Variants in HOGA1 observed in about 807,000 individuals in gnomAD.
The protein encoded by HOGA1 is 4-hydroxy-2-oxoglutarate aldolase 1.
In HOGA1, 30 loss-of-function variants were observed where a neutral mutation model predicts 34.3. The observed-to-expected ratio is 0.87, with a 90% CI of 0.65 to 1.19. HOGA1 has a LOEUF of 1.19. Among genes scored for constraint, HOGA1 ranks in the 50% most tolerant of loss-of-function variants. The probability of loss-of-function intolerance (pLI) is 0.00; values close to 1 mark genes in which losing one functional copy is unlikely to be tolerated. For missense variants in HOGA1, 417 were observed against 436.5 expected (o/e 0.96, Z 0.40); for synonymous variants, 161 against 174.0 (o/e 0.93, Z 0.59).
chr10:97,596,766 C>T (rs1390747567), intron 1 of HOGA1, among the ~76,000 whole-genome samples: 3 of 150,140 alleles, frequency 2.0e-5, no homozygotes, highest in Admixed American at 2.0e-4. Flanking sequence ...GATATCCTGG[C>T]AACTCACTCT....
At chr10:97,589,689 C>G (rs749390986) in intron 1 of HOGA1, 17 of 570,534 alleles carry the variant, frequency 3.0e-5, no homozygotes, top group Non-Finnish European at 4.4e-5. Context: ...TGGGGGGCAC[C>G]TAGGGAGGGT....
intron 6 of HOGA1, chr10:97,602,675 CTCTT>C (rs112065979): frequency 1.3e-5 from 10 of 778,012 alleles, no homozygotes; most frequent in South Asian, 1.2e-4. Flanking sequence ...TTCTCTTTCT[CTCTT>C]TCTTTCTTTC....
rs187177177 is a variant in HOGA1, at chr10:97,593,329, T to G, written c.212-5446T>G. ...CATCTCTACTAAAAATACAAAAAAT[T>G]AGCTGGGTGTGGTGGCAGGCACCTG... is the stretch of plus-strand genomic sequence containing the variant. On this transcript the variant is annotated intron_variant, in intron 1 of 6. Transcript: ENST00000370646. Among the ~76,000 whole-genome samples the G allele has an allele frequency of 7.9e-4, 120 of 151,958 alleles. 1 individual carries two copies. The highest frequency in any genetic ancestry group is 2.4e-3 in the African/African-American group (99 of 41,456).
In HOGA1 at chr10:97,603,535, T is replaced by C. The variant is rs1470058185; in HGVS notation, c.834+1545T>C. On this transcript the variant is annotated intron_variant, in intron 6 of 6. Transcript: ENST00000370646. This position sits in a 1 kb window ranked among gnomAD's most constrained non-coding sequence, Gnocchi z 4.5. ...GAGCCACCATGACTGGCCTACTGTA[T>C]ATTTTATATTTAACTTTTTATTTTA... Among the ~76,000 whole-genome samples the C allele has an allele frequency of 2.0e-5, 3 of 151,658 alleles. No homozygotes were observed. The highest frequency in any genetic ancestry group is 2.0e-4 in the Admixed American group (3 of 15,208).
chr10:97,611,404 G>A (rs770036606), intron 6 of HOGA1, 106 bp from the exon 7 acceptor site: 344 of 1,326,242 alleles, frequency 2.6e-4, no homozygotes, highest in Middle Eastern at 3.7e-4. Flanking sequence ...ACTTTCCTGG[G>A]GGAAGAGGGT....
chr10:97,599,260 G>GA (rs1308891204), intron 3 of HOGA1, 44 bp downstream of exon 3: 1 of 1,612,350 alleles, frequency 6.2e-7, no homozygotes, highest in Admixed American at 1.7e-5. Context: ...TGCCCAGGGA[G>GA]AGGAGATAAG....
Position 97,584,729 on chromosome 10 carries a change from C to T in HOGA1, c.26C>T (p.Ser9Phe), listed in dbSNP as rs757262365. MLGPQVWS[S>F]VRQGLSRSLS... ...ATGCTGGGTCCCCAAGTCTGGTCTT[C>T]TGTGAGGCAGGGGCTAAGCAGGAGC... The change falls in exon 1 of 7, where the codon TCT becomes TTT. Residue 9 changes from serine to phenylalanine, a missense_variant. Transcript: ENST00000370646. 1.2e-6 allele frequency: 2 copies of T among 1,611,696 alleles called. No homozygotes were observed. Among genetic ancestry groups the T allele is most frequent in the African/African-American group, 1.3e-5 (1 of 75,040 alleles).
intron 3 of HOGA1, 123 bp from the exon 4 acceptor site, chr10:97,599,557 A>T (rs2041099608): frequency 2.4e-6 from 3 of 1,243,880 alleles, no homozygotes; most frequent in Non-Finnish European, 2.3e-6. Flanking sequence ...GTAGCATGGG[A>T]GGGAGGCCTG....
intron 6 of HOGA1, among the ~76,000 whole-genome samples, chr10:97,609,761 C>T (rs756061612): frequency 5.3e-4 from 81 of 152,148 alleles, no homozygotes; most frequent in Admixed American, 1.2e-3. Context: ...TCTCTGGGCA[C>T]CTCTTATTTC....
chr10:97,596,110 T>A (rs1015879589), intron 1 of HOGA1, among the ~76,000 whole-genome samples: 2 of 152,250 alleles, frequency 1.3e-5, no homozygotes, highest in African/African-American at 4.8e-5. Flanking sequence ...CTCTTGAGTC[T>A]AGTGCTGCCC....
At chr10:97,606,533 G>A (rs11189292) in intron 6 of HOGA1, among the ~76,000 whole-genome samples, 23,533 of 151,818 alleles carry the variant, frequency 0.16, 1,949 homozygotes, top group East Asian at 0.23. Context: ...TGAACTGCTT[G>A]CGTGCCTTTG....
At chr10:97,599,271 G>A (rs761241680) in intron 3 of HOGA1, 55 bp downstream of exon 3, 1 of 1,605,256 alleles carries the variant, frequency 6.2e-7, no homozygotes, top group East Asian at 2.2e-5. Flanking sequence ...AGGAGATAAG[G>A]GAAGCTGGGA....
At chr10:97,601,486 C>G (rs1469158851) in intron 5 of HOGA1, among the ~76,000 whole-genome samples, 1 of 152,170 alleles carries the variant, frequency 6.6e-6, no homozygotes, top group East Asian at 1.9e-4. Context: ...CCGTCCTACC[C>G]TCTTACAGGA....
Position 97,585,211 on chromosome 10 carries a change from G to A in HOGA1, c.211+297G>A, listed in dbSNP as rs576892615. Among the ~76,000 whole-genome samples, 7 of 152,324 alleles carry A rather than the reference G, an allele frequency of 4.6e-5. No individual in the cohort carries two copies. In the South Asian group the frequency reaches 1.2e-3, roughly 27 times the overall value. ...ATTCTGAGGTTGGACTGGATAATGG[G>A]CGTGAAAGTCCTTGTCAACCTTGTC... is the stretch of plus-strand genomic sequence containing the variant. On this transcript the variant is annotated intron_variant, in intron 1 of 6. Coordinates refer to ENST00000370646, the MANE Select transcript of HOGA1 (RefSeq NM_138413.4).
At chr10:97,589,917 A>G in intron 1 of HOGA1, 1 of 1,613,060 alleles carries the variant, frequency 6.2e-7, no homozygotes, top group Non-Finnish European at 8.5e-7. Context: ...GTTCAGAGAA[A>G]GAGGAGAAGA....
At chr10:97,597,633 G>A (rs1001434301) in intron 1 of HOGA1, among the ~76,000 whole-genome samples, 1 of 151,860 alleles carries the variant, frequency 6.6e-6, no homozygotes, top group Non-Finnish European at 1.5e-5. Flanking sequence ...ATTCTATGCT[G>A]CTCCTGAGGT....
At chr10:97,592,345 A>G (rs1359969514) in intron 1 of HOGA1, among the ~76,000 whole-genome samples, 2 of 145,362 alleles carry the variant, frequency 1.4e-5, no homozygotes, top group East Asian at 4.1e-4. Flanking sequence ...GGTTCATGCC[A>G]TTCTCCTGCC....
intron 6 of HOGA1, among the ~76,000 whole-genome samples, chr10:97,610,461 C>T (rs2041186515): frequency 6.6e-6 from 1 of 151,692 alleles, no homozygotes; most frequent in African/African-American, 2.4e-5. Context: ...CAGTGAGACC[C>T]TGTCTCAAAA....
chr10:97,592,390 G>A (rs562095322), intron 1 of HOGA1, among the ~76,000 whole-genome samples: 6 of 151,242 alleles, frequency 4.0e-5, no homozygotes, highest in African/African-American at 4.9e-5. Context: ...ACAGGCGCCC[G>A]CCACCACGCC....
Sources: allele counts gnomAD v4.1 joint callset (sites outside exome capture counted in the v4.1 genomes callset), GRCh38; gene constraint gnomAD v4.1.1; non-coding constraint Gnocchi (gnomAD v3.1); transcripts MANE v1.5; gene names NCBI Gene and HGNC (gene_info 2026-07-23, HGNC 2026-07-21).